The following DLC1 variants were observed in gnomAD, a reference collection of about 807,000 sequenced individuals.
DLC1 encodes DLC1 Rho GTPase activating protein.
A neutral mutation model predicts 140.3 loss-of-function variants in DLC1; 54 were observed. That is an observed-to-expected ratio of 0.38 (90% CI 0.31 to 0.48). The LOEUF (loss-of-function observed/expected upper bound fraction) is 0.48, where lower values mean the gene tolerates loss of function less well. DLC1 is among the 20% of genes least tolerant of loss of function. The pLI is 0.96. For missense variants in DLC1, 2,536 were observed against 1,907.0 expected, an observed-to-expected ratio of 1.33 and a Z score of -6.14; for synonymous variants, 986 against 728.1, an observed-to-expected ratio of 1.35 and a Z score of -5.70.
At chr8:13,401,389 A>ATCTT in intron 3 of DLC1, 81 bp downstream of exon 3, 1 of 1,530,504 alleles carries the variant, frequency 6.5e-7, no homozygotes, top group Non-Finnish European at 8.8e-7. Context: ...ATTAACAAGG[A>ATCTT]TGTTGCCTTT....
At chr8:13,602,798 C>G (rs980138145) in intron 1 of DLC1, among the ~76,000 whole-genome samples, 1 of 151,662 alleles carries the variant, frequency 6.6e-6, no homozygotes, top group Non-Finnish European at 1.5e-5. Flanking sequence ...TTTGTATTTT[C>G]CAATACTGTG....
chr8:13,416,600 A>G (rs1256358106), intron 2 of DLC1, among the ~76,000 whole-genome samples: 1 of 152,208 alleles, frequency 6.6e-6, no homozygotes, highest in Non-Finnish European at 1.5e-5. Context: ...TCAAATAGAA[A>G]TAAAACAGAC....
At chr8:13,508,154 C>A (rs1461281139) in intron 1 of DLC1, among the ~76,000 whole-genome samples, 1 of 152,160 alleles carries the variant, frequency 6.6e-6, no homozygotes, top group African/African-American at 2.4e-5. Context: ...ATGTCGCTTC[C>A]AGTAGTGTCT....
chr8:13,402,666 C>G (rs1449906666), intron 2 of DLC1, among the ~76,000 whole-genome samples: 3 of 152,176 alleles, frequency 2.0e-5, no homozygotes, highest in African/African-American at 7.2e-5. Flanking sequence ...TACATCTTGA[C>G]AGAAGCCTGA....
chr8:13,452,033 T>C (rs967195134), intron 2 of DLC1, among the ~76,000 whole-genome samples: 27 of 152,148 alleles, frequency 1.8e-4, no homozygotes, highest in Non-Finnish European at 1.0e-4. Context: ...TCAGACTTTA[T>C]TGCCATTAAG....
chr8:13,324,287 G>A (rs1417360039), intron 4 of DLC1, among the ~76,000 whole-genome samples: 5 of 152,060 alleles, frequency 3.3e-5, no homozygotes, highest in East Asian at 1.9e-4. Context: ...CTTTAAAATC[G>A]GCCAGGCGTG....
At position 13,489,412 on chromosome 8, in the gene DLC1, T is replaced by TACACACACACACACACAC. The variant is rs10558551; in HGVS notation, c.1023+9619_1023+9636dup. ...GCAATTTAGTAAAACACACACACCA[T>TACACACACACACACACAC]ACACACACACACACACACACACACA... On this transcript the variant is annotated intron_variant, in intron 2 of 17. Transcript: ENST00000276297. Among the ~76,000 whole-genome samples the TACACACACACACACACAC allele has an allele frequency of 9.7e-4, 128 of 132,350 alleles. 2 individuals carry two copies. The highest frequency in any genetic ancestry group is 4.0e-3 in the East Asian group (18 of 4,500). 86.8% of individuals were successfully genotyped at this position (132,350 alleles called of 152,430 possible). A position where few individuals can be genotyped will look rare whatever the true frequency, so the allele number is the denominator to read the frequency against.
intron 5 of DLC1, chr8:13,133,090 G>A: frequency 6.6e-7 from 1 of 1,515,616 alleles, no homozygotes; most frequent in South Asian, 1.3e-5. Context: ...CGCCCTCGCG[G>A]TCCTCAACGC....
At chr8:13,585,941 G>A (rs1204589566) in intron 1 of DLC1, among the ~76,000 whole-genome samples, 2 of 152,150 alleles carry the variant, frequency 1.3e-5, no homozygotes, top group African/African-American at 4.8e-5. Flanking sequence ...AATAGAGAGG[G>A]AGGATAAAGC....
chr8:13,326,153 T>TA (rs1330180129), intron 4 of DLC1, among the ~76,000 whole-genome samples: 1 of 152,206 alleles, frequency 6.6e-6, no homozygotes, highest in Non-Finnish European at 1.5e-5. Flanking sequence ...CGCTGTCAAG[T>TA]GATGCATGAC....
At chr8:13,213,810 G>A (rs1391013546) in intron 5 of DLC1, among the ~76,000 whole-genome samples, 1 of 151,544 alleles carries the variant, frequency 6.6e-6, no homozygotes, top group Non-Finnish European at 1.5e-5. Flanking sequence ...TGGAGACAGG[G>A]TCTCCCTCTG....
intron 5 of DLC1, among the ~76,000 whole-genome samples, chr8:13,275,074 G>T (rs1386849987): frequency 6.6e-6 from 1 of 152,222 alleles, no homozygotes; most frequent in Non-Finnish European, 1.5e-5. Context: ...AAAATATTTT[G>T]CTCCCTTCCC....
chr8:13,144,002 A>G (rs575312789), intron 5 of DLC1, among the ~76,000 whole-genome samples: 56 of 152,244 alleles, frequency 3.7e-4, no homozygotes, highest in African/African-American at 1.3e-3. Flanking sequence ...GTGATGGTTA[A>G]TTTTTGGTGG....
Position 13,115,663 on chromosome 8 carries a change from A to G in DLC1, c.1349-6T>C, listed in dbSNP as rs770241309. The G allele has an allele frequency of 6.2e-7, 1 of 1,613,792 alleles. No individual in the cohort carries two copies. The highest frequency in any genetic ancestry group is 8.5e-7 in the Non-Finnish European group (1 of 1,179,890). ...AGCTTCCTTGGCTTCAATTTCTAGA[A>G]CAGAACAGAAGAAAGACAAAATTAG... On this transcript the variant is annotated splice_region_variant and splice_polypyrimidine_tract_variant and intron_variant, in intron 5 of 17. Coordinates refer to ENST00000276297, the MANE Select transcript of DLC1 (RefSeq NM_182643.3).
intron 5 of DLC1, 170 bp downstream of exon 5, chr8:13,305,099 A>G: frequency 7.7e-7 from 1 of 1,296,964 alleles, no homozygotes; most frequent in South Asian, 2.6e-5. Context: ...AACCACGTAT[A>G]TTTTTCTTAC....
intron 13 of DLC1, 29 bp from the exon 14 acceptor site, chr8:13,091,461 A>C (rs1409517873): frequency 6.4e-7 from 1 of 1,570,080 alleles, no homozygotes; most frequent in Non-Finnish European, 8.7e-7. Flanking sequence ...GGAGGGGAAC[A>C]GTTCAAATAT....
At chr8:13,255,028 G>GT (rs1184853567) in intron 5 of DLC1, among the ~76,000 whole-genome samples, 1 of 151,580 alleles carries the variant, frequency 6.6e-6, no homozygotes, top group Non-Finnish European at 1.5e-5. Flanking sequence ...CCAGGCTTGA[G>GT]TGCAGTGGCG....
chr8:13,462,421 G>A (rs1327079014), intron 2 of DLC1, among the ~76,000 whole-genome samples: 1 of 144,936 alleles, frequency 6.9e-6, no homozygotes, highest in Non-Finnish European at 1.5e-5. Context: ...TTTTTGAGAC[G>A]GAGTCTGGCT....
At chr8:13,303,391 G>T (rs1050369869) in intron 5 of DLC1, among the ~76,000 whole-genome samples, 23 of 152,268 alleles carry the variant, frequency 1.5e-4, no homozygotes, top group African/African-American at 5.1e-4. Context: ...GAAAGATTAT[G>T]TAAGGAGGGA....
Sources: gnomAD v4.1 joint callset for allele counts (sites outside exome capture counted in the v4.1 genomes callset) on GRCh38, gnomAD v4.1.1 for gene constraint, MANE v1.5 for transcripts, NCBI Gene and HGNC (gene_info 2026-07-23, HGNC 2026-07-21) for gene names.